USP6NL: variants seen among roughly 807,000 people sequenced by gnomAD.
USP6NL encodes USP6 N-terminal-like protein.
USP6NL carries 26 observed loss-of-function variants against 61.9 expected under a neutral mutation model. The observed-to-expected ratio is 0.42, with a 90% CI of 0.31 to 0.58. The LOEUF (loss-of-function observed/expected upper bound fraction) is 0.58. Among genes scored for constraint, USP6NL ranks in the 20% least tolerant of loss-of-function variants. USP6NL has a pLI of 0.16. For synonymous variants in USP6NL, 432 were observed against 390.1 expected (o/e 1.11, Z -1.27); for missense variants, 1,114 against 1,034.3 (o/e 1.08, Z -1.06).
At chr10:11,504,684 C>G (rs968463138) in intron 6 of USP6NL, among the ~76,000 whole-genome samples, 3 of 152,222 alleles carry the variant, frequency 2.0e-5, no homozygotes, top group African/African-American at 7.2e-5. Context: ...TTGTGGCCAA[C>G]GCTTATGAGG....
intron 2 of USP6NL, among the ~76,000 whole-genome samples, chr10:11,539,824 C>G (rs968431955): frequency 2.6e-5 from 4 of 152,228 alleles, no homozygotes; most frequent in Non-Finnish European, 5.9e-5. Context: ...AGACACTGTG[C>G]TGAGCATTTA....
chr10:11,576,088 G>GA (rs1837534038), intron 2 of USP6NL, among the ~76,000 whole-genome samples: 1 of 146,914 alleles, frequency 6.8e-6, no homozygotes, highest in Admixed American at 6.7e-5. Flanking sequence ...TAACACTTCA[G>GA]GAAAAAAAAA....
At chr10:11,538,033 G>A (rs1835902564) in intron 2 of USP6NL, among the ~76,000 whole-genome samples, 1 of 152,202 alleles carries the variant, frequency 6.6e-6, no homozygotes, top group Non-Finnish European at 1.5e-5. Flanking sequence ...TTTATACATA[G>A]AGCACCTTGC....
At position 11,463,427 on chromosome 10, in the gene USP6NL, T is replaced by C; in HGVS notation, c.1501A>G (p.Lys501Glu). The change falls in exon 15 of 15, where the codon AAA (lysine) becomes GAA (glutamate). Residue 501 changes from lysine to glutamate, a missense_variant. Lys to Glu is a moderately conservative substitution (Grantham distance 56, BLOSUM62 1). Transcript: ENST00000609104. The surrounding 1 kb of genome is among the most constrained non-coding windows in gnomAD (Gnocchi z 6.3). The stretch of plus-strand genomic sequence containing the variant: ...CGACCTTTGCCTTCCATGGTGTATT[T>C]GGCAGTTCTCTCTGTAGCTGAGACG... ...SDVSATERTAKYTMEGKGRAA... is the reference protein window; with the variant it reads ...SDVSATERTAEYTMEGKGRAA... 6.2e-7 allele frequency: 1 copy of C among 1,614,066 alleles called. No homozygotes were observed.
chr10:11,497,334 C>G lies in USP6NL; in HGVS notation c.384+3767G>C, dbSNP rs542897374. 1.1e-3 allele frequency among the ~76,000 whole-genome samples: 163 copies of G among 149,922 alleles called. 2 individuals carry two copies. Among genetic ancestry groups the G allele is most frequent in the African/African-American group, 3.8e-3 (154 of 40,992 alleles). ...GCTGAGGCAGGAGAATGGTGTGAAC[C>G]CGGGAGGCGGAGCTTGCAGTGAGCC... On this transcript the variant is annotated intron_variant, in intron 7 of 14. Transcript: ENST00000609104.
rs531535832 is a variant in USP6NL at position 11,478,035 on chromosome 10, A to T, written c.1078+3735T>A. Reference sequence around the variant, plus strand: ...GATTTTGTATCTTAAATCTTAGAAAACCTAAGATAACTGATCAAATATATT... The same window carrying T: ...GATTTTGTATCTTAAATCTTAGAAATCCTAAGATAACTGATCAAATATATT... On this transcript the variant is annotated intron_variant, in intron 14 of 14. Coordinates refer to ENST00000609104, the MANE Select transcript of USP6NL (RefSeq NM_014688.5). This position sits in a 1 kb window ranked among gnomAD's most constrained non-coding sequence, Gnocchi z 6.8. Among the ~76,000 whole-genome samples, 2 of 152,390 alleles carry T rather than the reference A, an allele frequency of 1.3e-5. No homozygotes were observed. Among genetic ancestry groups the T allele is most frequent in the East Asian group, 3.9e-4 (2 of 5,190 alleles).
chr10:11,557,647 T>C (rs528879658), intron 2 of USP6NL, among the ~76,000 whole-genome samples: 34 of 152,260 alleles, frequency 2.2e-4, no homozygotes, highest in African/African-American at 5.5e-4. Flanking sequence ...GGGGAGAACA[T>C]TGATGACACG....
At position 11,496,546 on chromosome 10, in the gene USP6NL, G is replaced by T; in HGVS notation, c.385-3318C>A. ...AATTTAGTGGCATTTCAAGGGAAAG[G>T]GAGCTAAATGAGTATGTTGAATCTC... On this transcript the variant is annotated intron_variant, in intron 7 of 14. Coordinates refer to ENST00000609104, the MANE Select transcript of USP6NL (RefSeq NM_014688.5). This position sits in a 1 kb window ranked among gnomAD's most constrained non-coding sequence, Gnocchi z 5.4. Among the ~76,000 whole-genome samples the T allele has an allele frequency of 6.6e-6, 1 of 152,218 alleles. No individual in the cohort carries two copies. The highest frequency in any genetic ancestry group is 1.9e-4 in the East Asian group (1 of 5,192).
chr10:11,526,664 T>C lies in USP6NL; in HGVS notation c.72+836A>G, dbSNP rs564698937. On this transcript the variant is annotated intron_variant, in intron 3 of 14. Transcript: ENST00000609104. ...ACAGTGCAGGTGACTTTCTATGATT[T>C]AATCTCCTGTTATCCTCACAAATAA... Among the ~76,000 whole-genome samples the C allele has an allele frequency of 9.2e-5, 14 of 152,300 alleles. No individual in the cohort carries two copies. In the South Asian group the frequency reaches 2.5e-3, roughly 27 times the overall value.
Position 11,485,112 on chromosome 10 carries a change from C to T in USP6NL, c.826-42G>A, listed in dbSNP as rs1475209012. 1 of 1,538,058 alleles carries T rather than the reference C, an allele frequency of 6.5e-7. No homozygotes were observed. The highest frequency in any genetic ancestry group is 8.8e-7 in the Non-Finnish European group (1 of 1,141,248). ...AACAAAACAAAAATAGGGTTAACAGCTTCCCCTCACCTTGTATTTATAATT... is the reference window on the plus strand; with the variant it reads ...AACAAAACAAAAATAGGGTTAACAGTTTCCCCTCACCTTGTATTTATAATT... On this transcript the variant is annotated intron_variant, in intron 12 of 14. Transcript: ENST00000609104. The surrounding 1 kb of genome is among the most constrained non-coding windows in gnomAD (Gnocchi z 4.8).
rs1280884359 is a variant in USP6NL at position 11,518,013 on chromosome 10, T to C, written c.195+522A>G. Among the ~76,000 whole-genome samples, 4 of 152,228 alleles carry C rather than the reference T, an allele frequency of 2.6e-5. No homozygotes were observed. Among genetic ancestry groups the C allele is most frequent in the Non-Finnish European group, 5.9e-5 (4 of 68,040 alleles). ...ATAACGAGGAAAGATTTTTAAATGT[T>C]GACAAGTTTACTATGTAACACTTCT... On this transcript the variant is annotated intron_variant, in intron 5 of 14. Transcript: ENST00000609104. This position sits in a 1 kb window ranked among gnomAD's most constrained non-coding sequence, Gnocchi z 5.3.
At chr10:11,484,013 TACTTAGA>T (rs1351478397) in intron 13 of USP6NL, among the ~76,000 whole-genome samples, 1 of 152,198 alleles carries the variant, frequency 6.6e-6, no homozygotes, top group Non-Finnish European at 1.5e-5. Flanking sequence ...CCGTAACATG[TACTTAGA>T]ACAATGCCAA....
At position 11,528,238 on chromosome 10, in the gene USP6NL, G is replaced by A. The variant is rs1244381363; in HGVS notation, c.5-671C>T. 4.6e-5 allele frequency among the ~76,000 whole-genome samples: 7 copies of A among 150,752 alleles called. No individual in the cohort carries two copies. The highest frequency in any genetic ancestry group is 8.8e-5 in the Non-Finnish European group (6 of 67,818). On this transcript the variant is annotated intron_variant, in intron 2 of 14. Coordinates refer to ENST00000609104, the MANE Select transcript of USP6NL (RefSeq NM_014688.5). This position sits in a 1 kb window ranked among gnomAD's most constrained non-coding sequence, Gnocchi z 4.6. Reference sequence around the variant, plus strand: ...AAAGTCGAGATCATAACATGAAATAGTATGAATATATACCATAAGTTTTTT... The same window carrying A: ...AAAGTCGAGATCATAACATGAAATAATATGAATATATACCATAAGTTTTTT...
chr10:11,535,315 A>T (rs905460504), intron 2 of USP6NL, among the ~76,000 whole-genome samples: 1 of 152,190 alleles, frequency 6.6e-6, no homozygotes, highest in African/African-American at 2.4e-5. Context: ...ACAGATTTAC[A>T]GCACCCTAAA....
chr10:11,596,517 G>C lies in USP6NL; in HGVS notation c.4+1114C>G, dbSNP rs142098296. Among the ~76,000 whole-genome samples, 1 of 152,012 alleles carries C rather than the reference G, an allele frequency of 6.6e-6. No individual in the cohort carries two copies. Among genetic ancestry groups the C allele is most frequent in the East Asian group, 1.9e-4 (1 of 5,170 alleles). ...CGGGCGCCTGTAGTCCCAGCTACTC[G>C]GGAGGCTGAGGCAGGAGAATGGCGC... On this transcript the variant is annotated intron_variant, in intron 2 of 14. Coordinates refer to ENST00000609104, the MANE Select transcript of USP6NL (RefSeq NM_014688.5). This position sits in a 1 kb window ranked among gnomAD's most constrained non-coding sequence, Gnocchi z 4.1.
Position 11,558,789 on chromosome 10 carries a change from G to A in USP6NL, c.5-31222C>T, listed in dbSNP as rs150413429. 2.4e-3 allele frequency among the ~76,000 whole-genome samples: 367 copies of A among 152,160 alleles called. 1 individual carries two copies. The highest frequency in any genetic ancestry group is 7.9e-3 in the African/African-American group (327 of 41,478). ...CTAAACTCAAACAGATCCATCCCTC[G>A]TTTGCTACAAAGAGCAAATACAGGG... On this transcript the variant is annotated intron_variant, in intron 2 of 14. Coordinates refer to ENST00000609104, the MANE Select transcript of USP6NL (RefSeq NM_014688.5).
chr10:11,535,106 T>C (rs1305947748), intron 2 of USP6NL, among the ~76,000 whole-genome samples: 3 of 152,202 alleles, frequency 2.0e-5, no homozygotes, highest in Non-Finnish European at 4.4e-5. Flanking sequence ...TTAACATCTA[T>C]AGATCTGCCC....
intron 2 of USP6NL, among the ~76,000 whole-genome samples, chr10:11,531,997 A>G (rs1254387092): frequency 2.0e-5 from 3 of 152,216 alleles, no homozygotes; most frequent in African/African-American, 7.2e-5. Context: ...ATATGCTTTA[A>G]AAGCAGGTAT....
At chr10:11,512,135 T>A (rs534114736) in intron 5 of USP6NL, among the ~76,000 whole-genome samples, 79 of 152,322 alleles carry the variant, frequency 5.2e-4, no homozygotes, top group African/African-American at 1.6e-3. Context: ...AATGTCATCT[T>A]GCCATAGACT....
Sources: allele counts gnomAD v4.1 joint callset (sites outside exome capture counted in the v4.1 genomes callset), GRCh38; gene constraint gnomAD v4.1.1; non-coding constraint Gnocchi (gnomAD v3.1); transcripts MANE v1.5; gene names NCBI Gene and HGNC (gene_info 2026-07-23, HGNC 2026-07-21).